ZNF787: variants seen among roughly 807,000 people sequenced by gnomAD.
ZNF787 encodes zinc finger protein 787.
In ZNF787, 7 loss-of-function variants were observed where a neutral mutation model predicts 16.9. The observed-to-expected ratio is 0.42, with a 90% CI of 0.24 to 0.78. ZNF787 has a LOEUF of 0.78. ZNF787 is among the 30% of genes least tolerant of loss of function. ZNF787 has a pLI of 0.30. For missense variants in ZNF787, 551 were observed against 589.3 expected, an observed-to-expected ratio of 0.94 and a Z score of 0.67; for synonymous variants, 345 against 270.9, an observed-to-expected ratio of 1.27 and a Z score of -2.69.
chr19:56,103,569 G>C (rs2123411445), intron 1 of ZNF787: 2 of 311,086 alleles, frequency 6.4e-6, no homozygotes, highest in East Asian at 1.1e-4. Flanking sequence ...TTCCTCACTG[G>C]CAAGATGGAG....
intron 2 of ZNF787, among the ~76,000 whole-genome samples, chr19:56,095,109 A>G (rs1341353734): frequency 2.0e-5 from 3 of 152,178 alleles, no homozygotes; most frequent in Admixed American, 1.3e-4. Context: ...GCGAGACTCC[A>G]TCTCAAAAAA....
At chr19:56,093,127 T>C (rs1985717136) in intron 2 of ZNF787, among the ~76,000 whole-genome samples, 1 of 143,226 alleles carries the variant, frequency 7.0e-6, no homozygotes. Flanking sequence ...AAGTGGGATA[T>C]TCCATAGACA....
At chr19:56,112,984 C>T (rs2030025532) in intron 1 of ZNF787, among the ~76,000 whole-genome samples, 1 of 151,738 alleles carries the variant, frequency 6.6e-6, no homozygotes, top group African/African-American at 2.4e-5. Context: ...CGCTCCCTCC[C>T]ACCACGATCC....
Position 56,088,455 on chromosome 19 carries a change from A to G in ZNF787, c.717T>C (p.Asp239=). The G allele has an allele frequency of 1.6e-6, 2 of 1,283,712 alleles. No homozygotes were observed. Among genetic ancestry groups the G allele is most frequent in the Non-Finnish European group, 9.8e-7 (1 of 1,015,402 alleles). The allele number at this position is 1,283,712 out of a possible 1,614,324, so 79.5% of individuals were successfully genotyped here. Residue 239 remains aspartate (D), a synonymous_variant, in exon 3 of 3, where the codon GAT becomes GAC. Transcript: ENST00000610935. The surrounding 1 kb of genome is among the most constrained non-coding windows in gnomAD (Gnocchi z 8.6). ...ADGEIAIPVG[D]GEGIIVVGAP... ...CGCCCACCACGATGATGCCCTCGCC[A>G]TCGCCCACGGGGATGGCGATCTCGC...
chr19:56,111,608 G>A (rs2029981899), intron 1 of ZNF787, among the ~76,000 whole-genome samples: 1 of 152,070 alleles, frequency 6.6e-6, no homozygotes, highest in African/African-American at 2.4e-5. Context: ...AGGGGTGAGG[G>A]GCCAGAGCTC....
chr19:56,110,311 G>A (rs990358225), intron 1 of ZNF787, among the ~76,000 whole-genome samples: 2 of 149,990 alleles, frequency 1.3e-5, no homozygotes, highest in African/African-American at 4.9e-5. Context: ...AGTGAGCTGA[G>A]ATCACACGCC....
chr19:56,105,870 C>T (rs1986282760), intron 1 of ZNF787, among the ~76,000 whole-genome samples: 1 of 151,972 alleles, frequency 6.6e-6, no homozygotes, highest in Non-Finnish European at 1.5e-5. Flanking sequence ...CCACGGCAGT[C>T]ACCGCGCATT....
rs1426036801 is a variant in ZNF787, at chr19:56,087,829, GGA to G, written c.*192_*193del. ...GGCTGAGGGGGCAGAGTCTCGAGGC[GGA>G]GAAGTGAACGGGCCCTAATACGCCC... On this transcript the variant is annotated 3_prime_UTR_variant, in exon 3 of 3. Transcript: ENST00000610935. 1 of 885,518 alleles carries G rather than the reference GGA, an allele frequency of 1.1e-6. No individual in the cohort carries two copies. Among genetic ancestry groups the G allele is most frequent in the Non-Finnish European group, 1.5e-6 (1 of 675,340 alleles). The allele number at this position is 885,518 out of a possible 1,614,324, so 54.9% of individuals were successfully genotyped here. A position where few individuals can be genotyped will look rare whatever the true frequency, so the allele number is the denominator to read the frequency against.
chr19:56,092,214 C>A (rs1421327793), intron 2 of ZNF787, among the ~76,000 whole-genome samples: 2 of 152,232 alleles, frequency 1.3e-5, no homozygotes, highest in Non-Finnish European at 2.9e-5. Context: ...ACAATGAGGG[C>A]CGGGGCCACT....
intron 2 of ZNF787, among the ~76,000 whole-genome samples, chr19:56,090,322 C>T (rs1289862554): frequency 2.6e-5 from 4 of 152,150 alleles, no homozygotes; most frequent in South Asian, 4.1e-4. Context: ...AGTCGAGTCA[C>T]AGCCCACAGC....
intron 2 of ZNF787, among the ~76,000 whole-genome samples, chr19:56,089,323 G>A (rs891732668): frequency 6.6e-6 from 1 of 152,198 alleles, no homozygotes; most frequent in African/African-American, 2.4e-5. Context: ...CCAACCTCTA[G>A]AACAATGCCC....
In ZNF787 at chr19:56,088,469, T is replaced by G; in HGVS notation, c.703A>C (p.Ile235Leu). The G allele has an allele frequency of 7.5e-7, 1 of 1,327,980 alleles. No individual in the cohort carries two copies. Among genetic ancestry groups the G allele is most frequent in the Non-Finnish European group, 9.6e-7 (1 of 1,040,724 alleles). The allele number at this position is 1,327,980 out of a possible 1,614,324, so 82.3% of individuals were successfully genotyped here. A position where few individuals can be genotyped will look rare whatever the true frequency, so the allele number is the denominator to read the frequency against. The change falls in exon 3 of 3, where the codon ATC (isoleucine) becomes CTC (leucine). Residue 235 changes from isoleucine to leucine, a missense_variant. By Grantham distance (5) the Ile-to-Leu change is conservative. This residue lies in a region of ZNF787 where 392 missense variants were observed against 312.7 expected (regional missense o/e 1.25). Transcript: ENST00000610935. This position sits in a 1 kb window ranked among gnomAD's most constrained non-coding sequence, Gnocchi z 8.6. ...EAVAADGEIA[I>L]PVGDGEGIIV... ...ATGCCCTCGCCATCGCCCACGGGGA[T>G]GGCGATCTCGCCGTCCGCCGCCACC...
intron 2 of ZNF787, among the ~76,000 whole-genome samples, chr19:56,101,294 G>A (rs964310098): frequency 2.6e-5 from 4 of 152,254 alleles, no homozygotes; most frequent in Non-Finnish European, 4.4e-5. Context: ...GGGAGCGTGC[G>A]CAGCCCATCT....
intron 1 of ZNF787, among the ~76,000 whole-genome samples, chr19:56,108,551 A>G (rs2029892601): frequency 6.7e-6 from 1 of 150,228 alleles, no homozygotes; most frequent in Non-Finnish European, 1.5e-5. Flanking sequence ...CTACTCTGCC[A>G]CTCTCCGTGT....
chr19:56,108,037 G>T (rs907285756), intron 1 of ZNF787, among the ~76,000 whole-genome samples: 1 of 152,066 alleles, frequency 6.6e-6, no homozygotes, highest in Non-Finnish European at 1.5e-5. Flanking sequence ...ACATGAGGCC[G>T]GCAGGGCGAG....
In ZNF787 at chr19:56,087,750, T is replaced by G; in HGVS notation, c.*273A>C. On this transcript the variant is annotated 3_prime_UTR_variant, in exon 3 of 3. Coordinates refer to ENST00000610935, the MANE Select transcript of ZNF787 (RefSeq NM_001002836.4). ...CCTGGTCGCCACTCGGCCTCTGCAGTTCTCTCCATTGTCTCTCCGGCTCGC... is the reference window on the plus strand; with the variant it reads ...CCTGGTCGCCACTCGGCCTCTGCAGGTCTCTCCATTGTCTCTCCGGCTCGC... 1 of 330,654 alleles carries G rather than the reference T, an allele frequency of 3.0e-6. No individual in the cohort carries two copies. Among genetic ancestry groups the G allele is most frequent in the Non-Finnish European group, 4.9e-6 (1 of 204,344 alleles). The allele number at this position is 330,654 out of a possible 1,614,324, so 20.5% of individuals were successfully genotyped here. A position where few individuals can be genotyped will look rare whatever the true frequency, so the allele number is the denominator to read the frequency against.
At position 56,088,710 on chromosome 19, in the gene ZNF787, G is replaced by A; in HGVS notation, c.462C>T (p.Asp154=). The A allele has an allele frequency of 1.2e-6, 2 of 1,606,158 alleles. No homozygotes were observed. Among genetic ancestry groups the A allele is most frequent in the Non-Finnish European group, 1.7e-6 (2 of 1,177,606 alleles). The change falls in exon 3 of 3, where the codon GAC becomes GAT. Residue 154 remains aspartate, a synonymous_variant. Coordinates refer to ENST00000610935, the MANE Select transcript of ZNF787 (RefSeq NM_001002836.4). This position sits in a 1 kb window ranked among gnomAD's most constrained non-coding sequence, Gnocchi z 8.6. ...HTGEKPYTCP[D]CGRSFTQSKS... ...TGCTCTGAGTGAAGCTGCGGCCGCAGTCGGGGCAGGTGTAGGGCTTCTCGC... is the reference window on the plus strand; with the variant it reads ...TGCTCTGAGTGAAGCTGCGGCCGCAATCGGGGCAGGTGTAGGGCTTCTCGC...
Position 56,088,925 on chromosome 19 carries a change from G to T in ZNF787, c.247C>A (p.Arg83=). The T allele has an allele frequency of 1.3e-6, 2 of 1,590,282 alleles. No individual in the cohort carries two copies. Among genetic ancestry groups the T allele is most frequent in the Non-Finnish European group, 1.7e-6 (2 of 1,167,970 alleles). Residue 83 remains arginine, a synonymous_variant, in exon 3 of 3, where the codon CGG becomes AGG. Coordinates refer to ENST00000610935, the MANE Select transcript of ZNF787 (RefSeq NM_001002836.4). The surrounding 1 kb of genome is among the most constrained non-coding windows in gnomAD (Gnocchi z 8.6). ...KSFSHWSKLT[R]HQRTHTGERP... is the part of the protein sequence containing the mutation. Reference sequence around the variant, plus strand: ...TCGCCGGTGTGCGTGCGCTGGTGCCGCGTCAGCTTGGACCAGTGGCTAAAG... The same window carrying T: ...TCGCCGGTGTGCGTGCGCTGGTGCCTCGTCAGCTTGGACCAGTGGCTAAAG...
intron 1 of ZNF787, among the ~76,000 whole-genome samples, chr19:56,115,084 C>T (rs566241307): frequency 2.0e-4 from 30 of 152,210 alleles, no homozygotes; most frequent in Non-Finnish European, 3.4e-4. Context: ...TCCTCAGCCC[C>T]GGGACATCTC....
Sources: gnomAD v4.1 joint callset for allele counts (sites outside exome capture counted in the v4.1 genomes callset) on GRCh38, gnomAD v4.1.1 for gene constraint, gnomAD v4.1.1 regional missense constraint, Gnocchi (gnomAD v3.1) non-coding constraint, MANE v1.5 for transcripts, NCBI Gene and HGNC (gene_info 2026-07-23, HGNC 2026-07-21) for gene names.